The following RSPO4 variants were observed in gnomAD, a reference collection of about 807,000 sequenced individuals.
RSPO4 encodes R-spondin-4.
A neutral mutation model predicts 24.8 loss-of-function variants in RSPO4; 23 were observed. The observed-to-expected ratio is 0.93, with a 90% CI of 0.67 to 1.31. RSPO4 has a LOEUF of 1.31. RSPO4 is among the 40% of genes most tolerant of loss of function. The pLI, the probability that RSPO4 is intolerant of heterozygous loss-of-function variation, is 0.00. For synonymous variants in RSPO4, 141 were observed against 127.4 expected (o/e 1.11, Z -0.72); for missense variants, 333 against 316.5 (o/e 1.05, Z -0.39).
At chr20:997,733 C>T (rs1985340342) in intron 1 of RSPO4, among the ~76,000 whole-genome samples, 1 of 152,182 alleles carries the variant, frequency 6.6e-6, no homozygotes, top group Non-Finnish European at 1.5e-5. Context: ...AGGGGCTTTG[C>T]AATTTAAACG....
chr20:999,809 A>AT (rs200751893), intron 1 of RSPO4, among the ~76,000 whole-genome samples: 1,996 of 151,988 alleles, frequency 0.013, 29 homozygotes, highest in African/African-American at 0.04. Flanking sequence ...TTTTTCTTTA[A>AT]TTTTTTTGTC....
chr20:968,943 G>C (rs1984321302), intron 1 of RSPO4, among the ~76,000 whole-genome samples: 1 of 152,208 alleles, frequency 6.6e-6, no homozygotes, highest in East Asian at 1.9e-4. Flanking sequence ...GGCTCATAAG[G>C]AGTCTCTGTT....
chr20:962,435 T>C (rs145302642), intron 4 of RSPO4, among the ~76,000 whole-genome samples: 16 of 152,024 alleles, frequency 1.1e-4, no homozygotes, highest in Non-Finnish European at 2.1e-4. Context: ...TGATTATTAT[T>C]ATCCAGGGGA....
In RSPO4 at chr20:960,189, G is replaced by T. The variant is rs1000685539; in HGVS notation, c.*168C>A. On this transcript the variant is annotated 3_prime_UTR_variant, in exon 5 of 5. Transcript: ENST00000217260. ...TGGAAGAAATAAAGGAAATAAAAAA[G>T]AAAAAGAAAGGGAAGGTAGACTGAC... 22 of 601,992 alleles carry T rather than the reference G, an allele frequency of 3.7e-5. No individual in the cohort carries two copies. The highest frequency in any genetic ancestry group is 5.9e-5 in the Non-Finnish European group (20 of 338,506). The allele number at this position is 601,992 out of a possible 1,614,324, so 37.3% of individuals were successfully genotyped here.
In RSPO4 at chr20:1,002,078, C is replaced by T. The variant is rs770068668; in HGVS notation, c.79+8G>A. On this transcript the variant is annotated splice_region_variant and intron_variant, in intron 1 of 4. Transcript: ENST00000217260. This position sits in a 1 kb window ranked among gnomAD's most constrained non-coding sequence, Gnocchi z 4.6. ...TGCCCGGCCGCCCTGCCCAGCCACCCCTTGTACCTTGCTTCTTCCTTCGGT... is the reference window on the plus strand; with the variant it reads ...TGCCCGGCCGCCCTGCCCAGCCACCTCTTGTACCTTGCTTCTTCCTTCGGT... The T allele has an allele frequency of 6.4e-7, 1 of 1,552,736 alleles. No homozygotes were observed. Among genetic ancestry groups the T allele is most frequent in the Non-Finnish European group, 8.7e-7 (1 of 1,147,766 alleles).
chr20:984,842 CCCAT>C (rs1310640552), intron 1 of RSPO4, among the ~76,000 whole-genome samples: 5 of 151,912 alleles, frequency 3.3e-5, no homozygotes, highest in Non-Finnish European at 5.9e-5. Flanking sequence ...CCACTGTTCA[CCCAT>C]CCATCCATCC....
intron 1 of RSPO4, among the ~76,000 whole-genome samples, chr20:998,236 T>C (rs1272818684): frequency 2.0e-5 from 3 of 152,110 alleles, no homozygotes; most frequent in Non-Finnish European, 2.9e-5. Flanking sequence ...CCAGAAGGCC[T>C]TGGATGTCAG....
intron 1 of RSPO4, among the ~76,000 whole-genome samples, chr20:980,201 A>G (rs1220920431): frequency 6.6e-6 from 1 of 152,160 alleles, no homozygotes; most frequent in Non-Finnish European, 1.5e-5. Context: ...ATTCAAACCC[A>G]GGCAGTGTGA....
intron 1 of RSPO4, among the ~76,000 whole-genome samples, chr20:991,120 T>G (rs4816127): frequency 0.08 from 12,190 of 152,168 alleles, 771 homozygotes; most frequent in African/African-American, 0.18. Context: ...GCTTGTTTAT[T>G]TTAAAAGAAG....
intron 1 of RSPO4, among the ~76,000 whole-genome samples, chr20:985,765 T>C (rs1984901574): frequency 6.6e-6 from 1 of 152,162 alleles, no homozygotes; most frequent in South Asian, 2.1e-4. Flanking sequence ...CTAAGGAGGA[T>C]TGGCCAGCAG....
chr20:991,933 G>A (rs1985114618), intron 1 of RSPO4, among the ~76,000 whole-genome samples: 2 of 152,146 alleles, frequency 1.3e-5, no homozygotes, highest in Non-Finnish European at 2.9e-5. Context: ...TTGCTAGATG[G>A]ATGCTGATGA....
At chr20:966,055 C>T (rs1173290571) in intron 3 of RSPO4, among the ~76,000 whole-genome samples, 1 of 151,980 alleles carries the variant, frequency 6.6e-6, no homozygotes, top group Non-Finnish European at 1.5e-5. Flanking sequence ...CCAGAGGGAG[C>T]GTTAGGTGGG....
chr20:966,939 T>C (rs529446927), intron 3 of RSPO4, among the ~76,000 whole-genome samples: 50 of 152,338 alleles, frequency 3.3e-4, no homozygotes, highest in Non-Finnish European at 5.7e-4. Flanking sequence ...TTGGCATTAA[T>C]AACAATGCCA....
At chr20:994,709 G>A (rs193072949) in intron 1 of RSPO4, among the ~76,000 whole-genome samples, 1 of 152,256 alleles carries the variant, frequency 6.6e-6, no homozygotes, top group East Asian at 1.9e-4. Context: ...GATTACAGGT[G>A]TGCACTAACA....
rs1441724064 is a variant in RSPO4, at chr20:964,125, G to A, written c.410-5C>T. ...AGGGACCCAGTTCACACTCCCCTGT[G>A]GGGTGAAAGGAGAGACAGACAGACA... is the stretch of plus-strand genomic sequence containing the variant. On this transcript the variant is annotated splice_region_variant and splice_polypyrimidine_tract_variant and intron_variant, in intron 3 of 4. Transcript: ENST00000217260. 1 of 1,606,272 alleles carries A rather than the reference G, an allele frequency of 6.2e-7. No homozygotes were observed. Among genetic ancestry groups the A allele is most frequent in the Admixed American group, 1.7e-5 (1 of 59,606 alleles).
At chr20:994,610 G>A (rs1375853720) in intron 1 of RSPO4, among the ~76,000 whole-genome samples, 1 of 152,198 alleles carries the variant, frequency 6.6e-6, no homozygotes, top group African/African-American at 2.4e-5. Flanking sequence ...AGGCTAGAGT[G>A]CAGCAGTGCA....
intron 1 of RSPO4, among the ~76,000 whole-genome samples, chr20:991,129 A>AG (rs1427442522): frequency 6.6e-6 from 1 of 152,168 alleles, no homozygotes; most frequent in African/African-American, 2.4e-5. Flanking sequence ...TTTTAAAAGA[A>AG]GGGGTCTCAC....
At chr20:985,471 C>A (rs775672379) in intron 1 of RSPO4, among the ~76,000 whole-genome samples, 11 of 152,224 alleles carry the variant, frequency 7.2e-5, no homozygotes, top group Non-Finnish European at 1.3e-4. Context: ...CAAAATCATA[C>A]TGGATTGGAA....
chr20:965,446 G>A (rs1018404586), intron 3 of RSPO4, among the ~76,000 whole-genome samples: 1 of 152,258 alleles, frequency 6.6e-6, no homozygotes, highest in Non-Finnish European at 1.5e-5. Context: ...ATTGCCCAGG[G>A]CCTGGGTGGG....
Sources: allele counts gnomAD v4.1 joint callset (sites outside exome capture counted in the v4.1 genomes callset), GRCh38; gene constraint gnomAD v4.1.1; non-coding constraint Gnocchi (gnomAD v3.1); transcripts MANE v1.5; gene names NCBI Gene and HGNC (gene_info 2026-07-23, HGNC 2026-07-21).